The following HPSE2 variants were observed in gnomAD, a reference collection of about 807,000 sequenced individuals.
HPSE2 encodes heparanase 2 (inactive).
In HPSE2, 38 loss-of-function variants were observed where a neutral mutation model predicts 60.5. That is an observed-to-expected ratio of 0.63 (90% confidence interval 0.48 to 0.82). HPSE2 has a LOEUF of 0.82. Ranked by LOEUF, HPSE2 falls within the 40% of genes least tolerant of loss-of-function variation. The probability of loss-of-function intolerance (pLI) is 0.00; values close to 1 mark genes in which losing one functional copy is unlikely to be tolerated. For missense variants in HPSE2, 713 were observed against 740.4 expected, an observed-to-expected ratio of 0.96 and a Z score of 0.43; for synonymous variants, 295 against 293.2, an observed-to-expected ratio of 1.01 and a Z score of -0.06.
rs374527491 is a variant in HPSE2 at position 98,938,671 on chromosome 10, G to T, written c.611-194615C>A. On this transcript the variant is annotated intron_variant, in intron 3 of 11. Coordinates refer to ENST00000370552, the MANE Select transcript of HPSE2 (RefSeq NM_021828.5). ...GTTGGAAAACCCTCTGCAGGATATT[G>T]TCCAGGAGAACTTCCCCAATCTAGC... 5.6e-5 allele frequency among the ~76,000 whole-genome samples: 8 copies of T among 143,996 alleles called. 1 individual carries two copies. Among genetic ancestry groups the T allele is most frequent in the Non-Finnish European group, 8.9e-5 (6 of 67,102 alleles). The allele number at this position is 143,996 out of a possible 152,430, so 94.5% of individuals were successfully genotyped here. A position where few individuals can be genotyped will look rare whatever the true frequency, so the allele number is the denominator to read the frequency against.
intron 3 of HPSE2, among the ~76,000 whole-genome samples, chr10:98,927,100 C>T (rs893574777): frequency 7.6e-5 from 11 of 145,444 alleles, no homozygotes; most frequent in African/African-American, 3.0e-4. Context: ...GGGTGGAGAG[C>T]TCTGTAGATG....
intron 7 of HPSE2, among the ~76,000 whole-genome samples, chr10:98,638,316 G>C (rs990765731): frequency 6.6e-6 from 1 of 151,530 alleles, no homozygotes; most frequent in African/African-American, 2.4e-5. Flanking sequence ...GTGGTGGCGG[G>C]CGCCTGTAGT....
chr10:99,076,936 A>G (rs189183616), intron 3 of HPSE2, among the ~76,000 whole-genome samples: 1 of 152,294 alleles, frequency 6.6e-6, no homozygotes, highest in East Asian at 1.9e-4. Flanking sequence ...TTACCTGAGA[A>G]AGTCTTTATC....
At chr10:98,551,415 GC>G (rs970506861) in intron 9 of HPSE2, among the ~76,000 whole-genome samples, 4 of 152,168 alleles carry the variant, frequency 2.6e-5, no homozygotes, top group African/African-American at 9.7e-5. Flanking sequence ...TGACAACAGT[GC>G]TCCCATTTTC....
chr10:98,672,990 C>T (rs1947545284), intron 6 of HPSE2, among the ~76,000 whole-genome samples: 1 of 152,076 alleles, frequency 6.6e-6, no homozygotes, highest in South Asian at 2.1e-4. Flanking sequence ...GCATGATTTT[C>T]CCAGATGCTA....
chr10:98,852,125 G>GTGTGTGTGTGTT (rs1952191485), intron 3 of HPSE2, among the ~76,000 whole-genome samples: 4 of 132,268 alleles, frequency 3.0e-5, no homozygotes, highest in Admixed American at 7.3e-5. Flanking sequence ...GTGTGTGTGT[G>GTGTGTGTGTGTT]TGTGTGTGTG....
intron 3 of HPSE2, among the ~76,000 whole-genome samples, chr10:98,765,531 A>G (rs939711716): frequency 2.0e-5 from 3 of 152,150 alleles, no homozygotes; most frequent in Admixed American, 2.0e-4. Flanking sequence ...AATTGATAGC[A>G]AAAAATGCTC....
intron 6 of HPSE2, among the ~76,000 whole-genome samples, 177 bp downstream of exon 6, chr10:98,693,723 A>G (rs1239939550): frequency 6.6e-6 from 1 of 152,246 alleles, no homozygotes; most frequent in Non-Finnish European, 1.5e-5. Context: ...ACCAAACAAA[A>G]TTATAGTACT....
At chr10:99,088,505 C>A (rs1250786646) in intron 3 of HPSE2, among the ~76,000 whole-genome samples, 2 of 152,170 alleles carry the variant, frequency 1.3e-5, no homozygotes, top group Non-Finnish European at 2.9e-5. Flanking sequence ...GTCTCCAATT[C>A]CATCCAGGTT....
At chr10:98,527,101 C>T (rs567120329) in intron 9 of HPSE2, among the ~76,000 whole-genome samples, 2 of 152,092 alleles carry the variant, frequency 1.3e-5, no homozygotes. Context: ...ATCCACATGT[C>T]CTTTAATTTC....
chr10:98,748,897 G>T (rs1214030086), intron 3 of HPSE2, among the ~76,000 whole-genome samples: 3 of 151,974 alleles, frequency 2.0e-5, no homozygotes, highest in Admixed American at 2.0e-4. Context: ...AAAACCATTA[G>T]ATTAATCAAA....
intron 2 of HPSE2, among the ~76,000 whole-genome samples, chr10:99,198,718 T>C (rs1452931895): frequency 6.6e-6 from 1 of 152,180 alleles, no homozygotes; most frequent in Non-Finnish European, 1.5e-5. Context: ...CAACATGAGC[T>C]CTACCCTCAG....
At chr10:98,856,491 A>G (rs1217118080) in intron 3 of HPSE2, among the ~76,000 whole-genome samples, 1 of 152,202 alleles carries the variant, frequency 6.6e-6, no homozygotes, top group Non-Finnish European at 1.5e-5. Context: ...AGCTAGAGGA[A>G]AAAAATGCAT....
At chr10:99,027,717 C>T (rs950631016) in intron 3 of HPSE2, among the ~76,000 whole-genome samples, 80 of 134,590 alleles carry the variant, frequency 5.9e-4, no homozygotes, top group African/African-American at 1.2e-3. Context: ...ACCACCACTA[C>T]GGGCCAATAT....
chr10:99,132,472 G>A (rs1305296068), intron 3 of HPSE2, among the ~76,000 whole-genome samples: 1 of 152,150 alleles, frequency 6.6e-6, no homozygotes, highest in East Asian at 1.9e-4. Context: ...AATAGGAGAA[G>A]CTCCAGTCTG....
intron 3 of HPSE2, among the ~76,000 whole-genome samples, chr10:98,884,252 C>T (rs952674097): frequency 6.6e-6 from 1 of 152,118 alleles, no homozygotes; most frequent in Admixed American, 6.6e-5. Flanking sequence ...ATCTCCAGAA[C>T]ATAAAAGTAC....
chr10:98,863,836 AC>A (rs1952520360), intron 3 of HPSE2, among the ~76,000 whole-genome samples: 1 of 152,184 alleles, frequency 6.6e-6, no homozygotes, highest in South Asian at 2.1e-4. Context: ...TTGAGAAAAC[AC>A]AAAATGAAGA....
chr10:99,248,948 G>A, the HPSE2 span, among the ~76,000 whole-genome samples: 7 of 152,346 alleles, frequency 4.6e-5, no homozygotes, highest in East Asian at 1.4e-3. Flanking sequence ...GATGCTCAGA[G>A]GGCAAGAGCT....
chr10:99,309,373 C>T, the HPSE2 span, among the ~76,000 whole-genome samples: 58 of 152,170 alleles, frequency 3.8e-4, no homozygotes, highest in East Asian at 0.01. Context: ...ATGAGCAAAA[C>T]ATTTGAACAG....
Sources: allele counts gnomAD v4.1 joint callset (sites outside exome capture counted in the v4.1 genomes callset), GRCh38; gene constraint gnomAD v4.1.1; transcripts MANE v1.5; gene names NCBI Gene and HGNC (gene_info 2026-07-23, HGNC 2026-07-21).